JAKMIP3: variants seen among roughly 807,000 people sequenced by gnomAD.
The protein encoded by JAKMIP3 is janus kinase and microtubule-interacting protein 3.
Under a neutral mutation model 118.5 loss-of-function variants are expected in JAKMIP3, and 58 were observed. That is an observed-to-expected ratio of 0.49 (90% confidence interval 0.40 to 0.61). The LOEUF is 0.61. Ranked by LOEUF, JAKMIP3 falls within the 20% of genes least tolerant of loss-of-function variation. The pLI is 0.00. For missense variants in JAKMIP3, 950 were observed against 1,109.0 expected (o/e 0.86, Z 2.04); for synonymous variants, 486 against 451.2 (o/e 1.08, Z -0.98).
At chr10:132,176,176 C>T (rs1433818906) in intron 23 of JAKMIP3, among the ~76,000 whole-genome samples, 2 of 152,234 alleles carry the variant, frequency 1.3e-5, no homozygotes, top group South Asian at 2.1e-4. Flanking sequence ...GGGCTCCAGC[C>T]GCAAGAGGGA....
chr10:132,136,308 G>A (rs887287759), intron 6 of JAKMIP3, among the ~76,000 whole-genome samples: 11 of 152,180 alleles, frequency 7.2e-5, no homozygotes, highest in African/African-American at 2.7e-4. Context: ...GCTGTGGGGC[G>A]TCCCCTCCCC....
chr10:132,150,806 C>T (rs762494157), intron 16 of JAKMIP3, among the ~76,000 whole-genome samples: 5 of 147,868 alleles, frequency 3.4e-5, no homozygotes, highest in East Asian at 3.9e-4. Context: ...ATCCATCCTC[C>T]ATAATCCATC....
At chr10:132,159,723 C>A (rs1447945671) in intron 19 of JAKMIP3, among the ~76,000 whole-genome samples, 38 of 54,362 alleles carry the variant, frequency 7.0e-4, no homozygotes, top group Non-Finnish European at 7.5e-4. Flanking sequence ...ATGCTGGGGG[C>A]ATGTCTTCCT....
intron 23 of JAKMIP3, among the ~76,000 whole-genome samples, chr10:132,176,137 C>G (rs4880340): frequency 0.53 from 80,584 of 152,122 alleles, 22,534 homozygotes; most frequent in East Asian, 0.94. Flanking sequence ...CCCCCCAGCA[C>G]CTGCCCGTTA....
At chr10:132,147,136 C>A (rs552912229) in intron 13 of JAKMIP3, among the ~76,000 whole-genome samples, 114 of 152,178 alleles carry the variant, frequency 7.5e-4, no homozygotes, top group Non-Finnish European at 1.4e-3. Flanking sequence ...AGGTGTTCCA[C>A]GGCAGGCCCA....
intron 3 of JAKMIP3, among the ~76,000 whole-genome samples, chr10:132,126,020 G>A (rs141661471): frequency 0.011 from 1,648 of 152,234 alleles, 21 homozygotes; most frequent in South Asian, 0.019. Flanking sequence ...CCCGCCTCAC[G>A]TCCCAAAGTG....
intron 1 of JAKMIP3, among the ~76,000 whole-genome samples, chr10:132,068,482 T>C (rs2039286336): frequency 6.7e-6 from 1 of 149,846 alleles, no homozygotes; most frequent in Admixed American, 6.6e-5. Context: ...ATGAATCTCT[T>C]GGGCAAGTGT....
At chr10:132,134,892 C>A in intron 4 of JAKMIP3, 149 bp from the exon 5 acceptor site, 1 of 994,174 alleles carries the variant, frequency 1.0e-6, no homozygotes, top group Non-Finnish European at 1.5e-6. Flanking sequence ...TGCCTTTCCC[C>A]GGGGGGCTCC....
At chr10:132,181,071 G>A (rs921727454) in intron 23 of JAKMIP3, among the ~76,000 whole-genome samples, 1 of 151,914 alleles carries the variant, frequency 6.6e-6, no homozygotes, top group Non-Finnish European at 1.5e-5. Flanking sequence ...GTGTGTACGT[G>A]CACATGTAGT....
chr10:132,116,522 T>C (rs2047689655), intron 2 of JAKMIP3, among the ~76,000 whole-genome samples: 1 of 141,216 alleles, frequency 7.1e-6, no homozygotes, highest in Non-Finnish European at 1.5e-5. Flanking sequence ...GTGTGCATCA[T>C]GGACGCTCCC....
At chr10:132,157,534 G>T (rs1188564940) in intron 19 of JAKMIP3, among the ~76,000 whole-genome samples, 2 of 152,216 alleles carry the variant, frequency 1.3e-5, no homozygotes, top group East Asian at 3.8e-4. Flanking sequence ...TTAAGGTGTT[G>T]TTAGGAACTG....
chr10:132,038,067 T>C (rs990901171), intron 1 of JAKMIP3, among the ~76,000 whole-genome samples: 1 of 152,232 alleles, frequency 6.6e-6, no homozygotes, highest in Admixed American at 6.5e-5. Flanking sequence ...GGATATAGTT[T>C]GTTTTAAGTA....
upstream of JAKMIP3, among the ~76,000 whole-genome samples, chr10:132,060,807 G>T (rs1024220883): frequency 6.6e-6 from 1 of 152,260 alleles, no homozygotes; most frequent in African/African-American, 2.4e-5. Flanking sequence ...ATCACTTGAG[G>T]TCAGGAGTTT....
chr10:132,155,548 G>A (rs991883989), intron 19 of JAKMIP3, among the ~76,000 whole-genome samples: 2 of 152,200 alleles, frequency 1.3e-5, no homozygotes, highest in Non-Finnish European at 2.9e-5. Context: ...CCTGGGTGGG[G>A]GTGTAAGGCC....
At chr10:132,106,046 ACAC>A (rs2045855186) in intron 2 of JAKMIP3, among the ~76,000 whole-genome samples, 2 of 152,160 alleles carry the variant, frequency 1.3e-5, no homozygotes, top group Non-Finnish European at 2.9e-5. Flanking sequence ...TTTGGTGCCC[ACAC>A]CACAAGGAAA....
At chr10:132,180,363 A>G (rs937879984) in intron 23 of JAKMIP3, among the ~76,000 whole-genome samples, 2 of 138,170 alleles carry the variant, frequency 1.4e-5, no homozygotes, top group African/African-American at 2.7e-5. Context: ...CCTGTGCCTG[A>G]CATGGCTCCA....
At chr10:132,068,495 C>G (rs879707473) in intron 1 of JAKMIP3, among the ~76,000 whole-genome samples, 1 of 149,828 alleles carries the variant, frequency 6.7e-6, no homozygotes, top group Non-Finnish European at 1.5e-5. Flanking sequence ...GCAAGTGTTT[C>G]TTATCCATGA....
At chr10:132,122,027 T>C (rs113925956) in intron 3 of JAKMIP3, among the ~76,000 whole-genome samples, 4,040 of 152,356 alleles carry the variant, frequency 0.027, 67 homozygotes, top group Non-Finnish European at 0.042. Flanking sequence ...GTCTTTACTT[T>C]GGGTCTGTTT....
rs78181174 is a variant in JAKMIP3, at chr10:132,168,837, C to T, written c.*907C>T. On this transcript the variant is annotated 3_prime_UTR_variant, in exon 23 of 24. Transcript: ENST00000684848. ...GAGGCCCTGGGCACCCAGAGCCACC[C>T]AGCCTGGAAGCCCCTGCACGGGCCA... 2,542 of 212,726 alleles carry T rather than the reference C, an allele frequency of 0.012. 24 individuals carry two copies. The highest frequency in any genetic ancestry group is 0.014 in the South Asian group (209 of 14,854). The allele number at this position is 212,726 out of a possible 1,614,324, so 13.2% of individuals were successfully genotyped here. A position where few individuals can be genotyped will look rare whatever the true frequency, so the allele number is the denominator to read the frequency against.
Sources: allele counts gnomAD v4.1 joint callset (sites outside exome capture counted in the v4.1 genomes callset), GRCh38; gene constraint gnomAD v4.1.1; transcripts MANE v1.5; gene names NCBI Gene and HGNC (gene_info 2026-07-23, HGNC 2026-07-21).